Variants in SVOPL observed in about 807,000 individuals in gnomAD.
SVOPL encodes the protein SVOP like.
In SVOPL, 60 loss-of-function variants were observed where a neutral mutation model predicts 61.0. The observed-to-expected ratio is 0.98, with a 90% CI of 0.80 to 1.22. The LOEUF (loss-of-function observed/expected upper bound fraction) is 1.22, where lower values mean the gene tolerates loss of function less well. Ranked by LOEUF, SVOPL falls within the 50% of genes most tolerant of loss-of-function variation. The pLI is 0.00. For missense variants in SVOPL, 662 were observed against 643.9 expected (o/e 1.03, Z -0.30); for synonymous variants, 279 against 250.0 (o/e 1.12, Z -1.09).
intron 4 of SVOPL, 93 bp downstream of exon 4, chr7:138,671,926 G>A (rs1178160325): frequency 2.6e-6 from 3 of 1,148,438 alleles, no homozygotes; most frequent in Middle Eastern, 2.5e-4. Flanking sequence ...TGGCAGTGGT[G>A]AGACACCCTT....
intron 9 of SVOPL, among the ~76,000 whole-genome samples, chr7:138,639,292 C>T (rs976639081): frequency 1.2e-4 from 18 of 151,308 alleles, no homozygotes; most frequent in African/African-American, 4.4e-4. Context: ...ATGAAAGAAG[C>T]CCACATATGC....
In SVOPL at chr7:138,627,373, A is replaced by T. The variant is rs1403480979; in HGVS notation, c.1158T>A (p.Leu386=). 2 of 1,613,404 alleles carry T rather than the reference A, an allele frequency of 1.2e-6. No homozygotes were observed. The highest frequency in any genetic ancestry group is 1.1e-5 in the South Asian group (1 of 91,078). ...ITMGCTALFF[L]LLNICTSSAG... The stretch of plus-strand genomic sequence containing the variant: ...ACCTTGAAGTGCAAATGTTGAGGAG[A>T]AGGAAGAATAAAGCCGTGCATCCCA... The change falls in exon 12 of 16, where the codon CTT becomes CTA. Residue 386 remains leucine, a synonymous_variant. Coordinates refer to ENST00000674285, the MANE Select transcript of SVOPL (RefSeq NM_001139456.2).
chr7:138,633,986 T>C (rs1800343669), intron 9 of SVOPL, among the ~76,000 whole-genome samples: 1 of 152,140 alleles, frequency 6.6e-6, no homozygotes, highest in South Asian at 2.1e-4. Context: ...ATTCAGGGCA[T>C]GGGTAGCACT....
intron 4 of SVOPL, among the ~76,000 whole-genome samples, chr7:138,665,707 A>C (rs1488722456): frequency 6.6e-6 from 1 of 152,188 alleles, no homozygotes; most frequent in East Asian, 1.9e-4. Context: ...TCAAGGATCT[A>C]AGAGGTGCAT....
chr7:138,622,670 C>T (rs1229864982), intron 13 of SVOPL, among the ~76,000 whole-genome samples: 1 of 151,690 alleles, frequency 6.6e-6, no homozygotes, highest in Non-Finnish European at 1.5e-5. Flanking sequence ...CTATGTTGCC[C>T]AGACTGGTAT....
chr7:138,621,702 C>A (rs371294517), intron 13 of SVOPL, among the ~76,000 whole-genome samples: 74 of 152,328 alleles, frequency 4.9e-4, no homozygotes, highest in African/African-American at 1.7e-3. Context: ...GGATTAGAGG[C>A]ATGAGCCACC....
rs188839446 is a variant in SVOPL at position 138,603,908 on chromosome 7, G to A, written c.1354-7378C>T. Among the ~76,000 whole-genome samples, 317 of 149,056 alleles carry A rather than the reference G, an allele frequency of 2.1e-3. 1 individual carries two copies. The highest frequency in any genetic ancestry group is 7.1e-3 in the African/African-American group (288 of 40,394). On this transcript the variant is annotated intron_variant, in intron 14 of 15. Coordinates refer to ENST00000674285, the MANE Select transcript of SVOPL (RefSeq NM_001139456.2). The stretch of plus-strand genomic sequence containing the variant: ...TTTGTGGTCATCACATTTGGCTTTC[G>A]ATAAACCTTTACAAAATTATTTCTG...
chr7:138,594,583 A>C lies in SVOPL; in HGVS notation c.*27T>G. On this transcript the variant is annotated 3_prime_UTR_variant, in exon 16 of 16. Coordinates refer to ENST00000674285, the MANE Select transcript of SVOPL (RefSeq NM_001139456.2). Reference sequence around the variant, plus strand: ...TCTGAAGATAGAATTCATTTTTCTCATCTGGTAGACATAGCTTTGCAGGTC... The same window carrying C: ...TCTGAAGATAGAATTCATTTTTCTCCTCTGGTAGACATAGCTTTGCAGGTC... The C allele has an allele frequency of 6.3e-7, 1 of 1,594,052 alleles. No individual in the cohort carries two copies. The highest frequency in any genetic ancestry group is 8.5e-7 in the Non-Finnish European group (1 of 1,171,532).
chr7:138,638,656 A>T (rs1184444054), intron 9 of SVOPL, among the ~76,000 whole-genome samples: 2 of 152,146 alleles, frequency 1.3e-5, no homozygotes, highest in Non-Finnish European at 2.9e-5. Context: ...GTTCAAAGAA[A>T]AAAAAATAGA....
chr7:138,697,645 G>A (rs1226768501), intron 1 of SVOPL, among the ~76,000 whole-genome samples: 3 of 135,086 alleles, frequency 2.2e-5, no homozygotes, highest in African/African-American at 8.5e-5. Context: ...AAGAAGAAGT[G>A]GAAGAGGAAG....
At chr7:138,674,171 G>A (rs1436600535) in intron 3 of SVOPL, among the ~76,000 whole-genome samples, 1 of 150,258 alleles carries the variant, frequency 6.7e-6, no homozygotes, top group African/African-American at 2.5e-5. Flanking sequence ...CTGAGCAACA[G>A]AACAAGACTT....
At chr7:138,645,525 C>CTT (rs1801056596) in intron 8 of SVOPL, 1 of 152,716 alleles carries the variant, frequency 6.5e-6, no homozygotes, top group Non-Finnish European at 1.5e-5. Flanking sequence ...ATTTTCCAGC[C>CTT]TTTTTCCTCT....
intron 1 of SVOPL, among the ~76,000 whole-genome samples, chr7:138,680,447 C>T (rs540267566): frequency 3.9e-5 from 6 of 152,322 alleles, no homozygotes; most frequent in Non-Finnish European, 8.8e-5. Context: ...CCATGCCTGG[C>T]TGCTTCTTTT....
At chr7:138,613,290 G>GA in intron 14 of SVOPL, among the ~76,000 whole-genome samples, 1 of 152,244 alleles carries the variant, frequency 6.6e-6, no homozygotes, top group African/African-American at 2.4e-5. Context: ...AAAGTGCTGA[G>GA]ATTACAGGCA....
intron 14 of SVOPL, among the ~76,000 whole-genome samples, 190 bp downstream of exon 14, chr7:138,620,856 G>T (rs1321222154): frequency 6.6e-6 from 1 of 152,182 alleles, no homozygotes; most frequent in Non-Finnish European, 1.5e-5. Flanking sequence ...CCGACTGGAA[G>T]GCTGAAAGCC....
intron 10 of SVOPL, among the ~76,000 whole-genome samples, chr7:138,628,669 GA>G: frequency 6.6e-6 from 1 of 152,294 alleles, no homozygotes; most frequent in African/African-American, 2.4e-5. Context: ...AGCTGTGTAT[GA>G]AAGTTCCAGT....
At chr7:138,611,845 A>G (rs1169176360) in intron 14 of SVOPL, among the ~76,000 whole-genome samples, 86 of 67,482 alleles carry the variant, frequency 1.3e-3, no homozygotes, top group Admixed American at 2.4e-3. Flanking sequence ...TGGCCTCCCA[A>G]AGTGCCGAGA....
At position 138,660,460 on chromosome 7, in the gene SVOPL, A is replaced by G. The variant is rs1039496328; in HGVS notation, c.346-472T>C. The G allele has an allele frequency of 6.1e-6, 6 of 988,072 alleles. No homozygotes were observed. In the African/African-American group the frequency reaches 1.0e-4, roughly 17 times the overall value. The allele number at this position is 988,072 out of a possible 1,614,324, so 61.2% of individuals were successfully genotyped here. ...CCATTGATTGTCCAACCCAGAGAAG[A>G]TAACTCTTAACACTGTTTTATCTTC... On this transcript the variant is annotated intron_variant, in intron 5 of 15. Transcript: ENST00000674285.
At chr7:138,646,728 G>T (rs189799360) in intron 8 of SVOPL, among the ~76,000 whole-genome samples, 1 of 151,952 alleles carries the variant, frequency 6.6e-6, no homozygotes, top group South Asian at 2.1e-4. Context: ...CATGTTGCCC[G>T]GGCTGGTCTT....
Sources: gnomAD v4.1 joint callset for allele counts (sites outside exome capture counted in the v4.1 genomes callset) on GRCh38, gnomAD v4.1.1 for gene constraint, MANE v1.5 for transcripts, NCBI Gene and HGNC (gene_info 2026-07-23, HGNC 2026-07-21) for gene names.